Variants in EMILIN3 observed in about 807,000 individuals in gnomAD.
The protein encoded by EMILIN3 is EMILIN-3.
EMILIN3 carries 38 observed loss-of-function variants against 42.8 expected under a neutral mutation model. The observed-to-expected ratio is 0.89, with a 90% CI of 0.69 to 1.16. EMILIN3 has a LOEUF of 1.16. Ranked by LOEUF, EMILIN3 falls within the 50% of genes most tolerant of loss-of-function variation. The pLI is 0.00. For synonymous variants in EMILIN3, 430 were observed against 440.5 expected, an observed-to-expected ratio of 0.98 and a Z score of 0.30; for missense variants, 924 against 999.5, an observed-to-expected ratio of 0.92 and a Z score of 1.02.
chr20:41,363,471 C>A (rs2046378062), intron 3 of EMILIN3, among the ~76,000 whole-genome samples, 167 bp downstream of exon 3: 1 of 152,250 alleles, frequency 6.6e-6, no homozygotes. Flanking sequence ...TACCTTCTCA[C>A]TGGGCATAAC....
Position 41,361,788 on chromosome 20 carries a change from ACT to A in EMILIN3, c.1779_1780del (p.Val594GlufsTer9), listed in dbSNP as rs777004833. 2 of 1,613,676 alleles carry A rather than the reference ACT, an allele frequency of 1.2e-6. No individual in the cohort carries two copies. The highest frequency in any genetic ancestry group is 2.2e-5 in the East Asian group (1 of 44,886). ...ACTGAGGCCTGTGAGCGACTTGCTC[ACT>A]GAGTTCAGATTGACCTTGAGCAGAG... On this transcript the variant is annotated frameshift_variant, in exon 4 of 4. Transcript: ENST00000332312. LOFTEE classifies it high-confidence loss of function.
At chr20:41,364,679 C>A (rs1452300230) in intron 2 of EMILIN3, among the ~76,000 whole-genome samples, 1 of 152,190 alleles carries the variant, frequency 6.6e-6, no homozygotes, top group Non-Finnish European at 1.5e-5. Context: ...TCACCCGTTG[C>A]CTAAGGGGCC....
chr20:41,363,205 C>T (rs1317461828), intron 3 of EMILIN3, 151 bp from the exon 4 acceptor site: 1 of 714,898 alleles, frequency 1.4e-6, no homozygotes, highest in Admixed American at 3.0e-5. Context: ...CAGTGGTGTG[C>T]TCTTGGCTCA....
intron 2 of EMILIN3, among the ~76,000 whole-genome samples, chr20:41,364,621 T>C (rs772828610): frequency 2.6e-5 from 4 of 152,180 alleles, no homozygotes; most frequent in Non-Finnish European, 4.4e-5. Context: ...GCCTGCCTCC[T>C]TGTGGTCACC....
In EMILIN3 at chr20:41,361,841, C is replaced by T. The variant is rs113190238; in HGVS notation, c.1728G>A (p.Thr576=). 7,620 of 1,613,550 alleles carry T rather than the reference C, an allele frequency of 4.7e-3. 94 individuals are homozygous for T. Among genetic ancestry groups the T allele is most frequent in the East Asian group, 0.031 (1,375 of 44,886 alleles). ...AEVQGQLAEG[T]GSSLQGEITL... is the part of the protein sequence containing the mutation. ...TGATCTCGCCTTGAAGTGAGCTGCC[C>T]GTCCCTTCTGCCAGCTGTCCCTGGA... Residue 576 remains threonine (T), a synonymous_variant, in exon 4 of 4, where the codon ACG becomes ACA. Transcript: ENST00000332312.
rs1600752903 is a variant in EMILIN3 at position 41,360,941 on chromosome 20, G to A, written c.*327C>T. ...TGATCAAGGCCAGTTTGCCACAGCAGCTGCCCCTGCCAGCCATGCTCAGGC... is the reference window on the plus strand; with the variant it reads ...TGATCAAGGCCAGTTTGCCACAGCAACTGCCCCTGCCAGCCATGCTCAGGC... On this transcript the variant is annotated 3_prime_UTR_variant, in exon 4 of 4. Transcript: ENST00000332312. 4 of 391,542 alleles carry A rather than the reference G, an allele frequency of 1.0e-5. No homozygotes were observed. In the East Asian group the frequency reaches 1.3e-4, roughly 12 times the overall value. 24.3% of individuals were successfully genotyped at this position (391,542 alleles called of 1,614,324 possible).
rs2046396043 is a variant in EMILIN3, at chr20:41,366,645, G to A, written c.-11C>T. On this transcript the variant is annotated 5_prime_UTR_variant, in exon 1 of 4. Coordinates refer to ENST00000332312, the MANE Select transcript of EMILIN3 (RefSeq NM_052846.2). This position sits in a 1 kb window ranked among gnomAD's most constrained non-coding sequence, Gnocchi z 4.2. ...GCGGCGGCGGCCCATAGCGGCCCCC[G>A]CGCCTCTGCCCGGCCCCGCGCGGTG... 5 of 1,027,040 alleles carry A rather than the reference G, an allele frequency of 4.9e-6. No individual in the cohort carries two copies. The South Asian group carries it at 1.8e-4, about 37-fold the overall frequency. The allele number at this position is 1,027,040 out of a possible 1,614,324, so 63.6% of individuals were successfully genotyped here. A position where few individuals can be genotyped will look rare whatever the true frequency, so the allele number is the denominator to read the frequency against.
intron 1 of EMILIN3, among the ~76,000 whole-genome samples, chr20:41,365,536 C>T (rs1001659216): frequency 5.3e-5 from 8 of 152,222 alleles, no homozygotes; most frequent in African/African-American, 1.9e-4. Context: ...CACTCAGTGA[C>T]TCCTTTGAGA....
At position 41,366,519 on chromosome 20, in the gene EMILIN3, T is replaced by C. The variant is rs1600757178; in HGVS notation, c.116A>G (p.Tyr39Cys). Residue 39 changes from tyrosine (Y) to cysteine (C), a missense_variant, in exon 1 of 4, where the codon TAC becomes TGC. Coordinates refer to ENST00000332312, the MANE Select transcript of EMILIN3 (RefSeq NM_052846.2). This position sits in a 1 kb window ranked among gnomAD's most constrained non-coding sequence, Gnocchi z 4.2. ...ARPAPPGASR[Y>C]SLYTTGWRPR... ...GCGCCATCCCGTCGTGTAGAGACTG[T>C]AGCGGGAGGCACCGGGCGGCGCAGG... 8.7e-7 allele frequency: 1 copy of C among 1,155,702 alleles called. No individual in the cohort carries two copies. The highest frequency in any genetic ancestry group is 4.2e-5 in the East Asian group (1 of 23,590). The allele number at this position is 1,155,702 out of a possible 1,614,324, so 71.6% of individuals were successfully genotyped here. A position where few individuals can be genotyped will look rare whatever the true frequency, so the allele number is the denominator to read the frequency against.
chr20:41,364,211 A>C (rs2046382666), intron 2 of EMILIN3, among the ~76,000 whole-genome samples: 1 of 152,050 alleles, frequency 6.6e-6, no homozygotes, highest in Non-Finnish European at 1.5e-5. Context: ...AGCACCTGGG[A>C]GAATCAGACA....
rs1230418043 is a variant in EMILIN3, at chr20:41,361,403, C to T, written c.2166G>A (p.Glu722=). The change falls in exon 4 of 4, where the codon GAG becomes GAA. Residue 722 remains glutamate (E), a synonymous_variant. Transcript: ENST00000332312. ...SLPTEPLRPR[E]GLWSHVDQLN... is the part of the protein sequence containing the mutation. ...GCTGGTCCACATGGCTCCACAGGCCCTCTCTGGGCCTCAGTGGCTCAGTGG... is the reference window on the plus strand; with the variant it reads ...GCTGGTCCACATGGCTCCACAGGCCTTCTCTGGGCCTCAGTGGCTCAGTGG... The T allele has an allele frequency of 6.2e-7, 1 of 1,612,288 alleles. No homozygotes were observed. Among genetic ancestry groups the T allele is most frequent in the Non-Finnish European group, 8.5e-7 (1 of 1,179,262 alleles).
Position 41,361,229 on chromosome 20 carries a change from A to C in EMILIN3, c.*39T>G. On this transcript the variant is annotated 3_prime_UTR_variant, in exon 4 of 4. Transcript: ENST00000332312. ...CTGGGCTCTGGGGTGATGTTCCCCG[A>C]GTTGGTGGGATCTAGGGGTTGGGTC... 9 of 1,528,652 alleles carry C rather than the reference A, an allele frequency of 5.9e-6. No individual in the cohort carries two copies. The highest frequency in any genetic ancestry group is 8.0e-6 in the Non-Finnish European group (9 of 1,130,798). 94.7% of individuals were successfully genotyped at this position (1,528,652 alleles called of 1,614,324 possible). A position where few individuals can be genotyped will look rare whatever the true frequency, so the allele number is the denominator to read the frequency against.
chr20:41,360,018 T>C lies in EMILIN3; in HGVS notation c.*1250A>G, dbSNP rs2235595. 9,331 of 152,248 alleles carry C rather than the reference T, an allele frequency of 0.061. 844 individuals are homozygous for C. Among genetic ancestry groups the C allele is most frequent in the African/African-American group, 0.2 (8,367 of 41,382 alleles). 9.4% of individuals were successfully genotyped at this position (152,248 alleles called of 1,614,324 possible). The stretch of plus-strand genomic sequence containing the variant: ...CTGCCCTACTCTGATAGTACCAGAG[T>C]GGAGGGCAGAATACCAAATGTCCAG... On this transcript the variant is annotated 3_prime_UTR_variant, in exon 4 of 4. Transcript: ENST00000332312.
Position 41,363,671 on chromosome 20 carries a change from G to C in EMILIN3, c.481C>G (p.Pro161Ala), listed in dbSNP as rs544073560. Reference sequence around the variant, plus strand: ...CTGGGGGCTGCTCTGCTGTAGGAAGGGGGCCTGGGGCCTGGGTCCAGCTGC... The same window carrying C: ...CTGGGGGCTGCTCTGCTGTAGGAAGCGGGCCTGGGGCCTGGGTCCAGCTGC... ...SGQLDPGPRP[P>A]SYSRAAPSPH... is the part of the protein sequence containing the mutation. Residue 161 changes from proline (P) to alanine (A), a missense_variant, in exon 3 of 4, where the codon CCT (proline) becomes GCT (alanine). Pro to Ala is a conservative substitution (Grantham distance 27). Coordinates refer to ENST00000332312, the MANE Select transcript of EMILIN3 (RefSeq NM_052846.2). The C allele has an allele frequency of 6.2e-7, 1 of 1,613,260 alleles. No individual in the cohort carries two copies. The highest frequency in any genetic ancestry group is 8.5e-7 in the Non-Finnish European group (1 of 1,179,676).
Position 41,361,942 on chromosome 20 carries a change from G to C in EMILIN3, c.1627C>G (p.Arg543Gly). 6.2e-7 allele frequency: 1 copy of C among 1,612,676 alleles called. No individual in the cohort carries two copies. Among genetic ancestry groups the C allele is most frequent in the Non-Finnish European group, 8.5e-7 (1 of 1,179,646 alleles). The change falls in exon 4 of 4, where the codon CGG (arginine) becomes GGG (glycine). Residue 543 changes from arginine (R) to glycine (G), a missense_variant. Transcript: ENST00000332312. The part of the protein sequence containing the change: ...LVAEVKAWQS[R>G]SEALLRQVAS... Reference sequence around the variant, plus strand: ...ACCTGGCGTAGGAGGGCCTCGCTCCGGCTCTGCCAGGCCTTCACCTCTGCC... The same window carrying C: ...ACCTGGCGTAGGAGGGCCTCGCTCCCGCTCTGCCAGGCCTTCACCTCTGCC...
At position 41,366,392 on chromosome 20, in the gene EMILIN3, G is replaced by C; in HGVS notation, c.167+76C>G. 2.9e-6 allele frequency: 3 copies of C among 1,044,482 alleles called. No individual in the cohort carries two copies. The highest frequency in any genetic ancestry group is 2.3e-6 in the Non-Finnish European group (2 of 859,182). 64.7% of individuals were successfully genotyped at this position (1,044,482 alleles called of 1,614,324 possible). A position where few individuals can be genotyped will look rare whatever the true frequency, so the allele number is the denominator to read the frequency against. On this transcript the variant is annotated intron_variant, in intron 1 of 3. Transcript: ENST00000332312. This position sits in a 1 kb window ranked among gnomAD's most constrained non-coding sequence, Gnocchi z 4.2. ...GCCCGGGGCCTCGACGCCCCCCGCG[G>C]GTGCGGGCAGGTGGGAGCGGCGACG...
Position 41,361,233 on chromosome 20 carries a change from G to T in EMILIN3, c.*35C>A. ...GCTCTGGGGTGATGTTCCCCGAGTTGGTGGGATCTAGGGGTTGGGTCCTGG... is the reference window on the plus strand; with the variant it reads ...GCTCTGGGGTGATGTTCCCCGAGTTTGTGGGATCTAGGGGTTGGGTCCTGG... On this transcript the variant is annotated 3_prime_UTR_variant, in exon 4 of 4. Coordinates refer to ENST00000332312, the MANE Select transcript of EMILIN3 (RefSeq NM_052846.2). 6.5e-7 allele frequency: 1 copy of T among 1,526,856 alleles called. No individual in the cohort carries two copies. 94.6% of individuals were successfully genotyped at this position (1,526,856 alleles called of 1,614,324 possible).
rs1318421183 is a variant in EMILIN3 at position 41,362,807 on chromosome 20, C to T, written c.762G>A (p.Lys254=). 1.2e-6 allele frequency: 2 copies of T among 1,614,210 alleles called. No homozygotes were observed. The highest frequency in any genetic ancestry group is 1.6e-4 in the Middle Eastern group (1 of 6,062). ...LTPPLDEILS[K]VTEVSNTLQT... ...GAAGAGTGTTGCTCACCTCTGTCACCTTGCTTAGGATCTCGTCTAAGGGAG... is the reference window on the plus strand; with the variant it reads ...GAAGAGTGTTGCTCACCTCTGTCACTTTGCTTAGGATCTCGTCTAAGGGAG... Residue 254 remains lysine (K), a synonymous_variant, in exon 4 of 4, where the codon AAG becomes AAA. Transcript: ENST00000332312.
chr20:41,365,439 G>A (rs944347842), intron 1 of EMILIN3, among the ~76,000 whole-genome samples: 3 of 150,328 alleles, frequency 2.0e-5, no homozygotes, highest in East Asian at 2.0e-4. Context: ...AGGCCAGCCC[G>A]GATTCTCCCT....
Sources: gnomAD v4.1 joint callset for allele counts (sites outside exome capture counted in the v4.1 genomes callset) on GRCh38, gnomAD v4.1.1 for gene constraint, Gnocchi (gnomAD v3.1) non-coding constraint, MANE v1.5 for transcripts, NCBI Gene and HGNC (gene_info 2026-07-23, HGNC 2026-07-21) for gene names.